STPG1: variants seen among roughly 807,000 people sequenced by gnomAD.
STPG1 encodes the protein O(6)-methylguanine-induced apoptosis 2.
STPG1 carries 33 observed loss-of-function variants against 40.1 expected under a neutral mutation model. That is an observed-to-expected ratio of 0.82 (90% CI 0.62 to 1.10). The LOEUF is 1.10. Ranked by LOEUF, STPG1 falls within the 50% of genes least tolerant of loss-of-function variation. The pLI is 0.00. For missense variants in STPG1, 396 were observed against 415.1 expected (o/e 0.95, Z 0.40); for synonymous variants, 150 against 155.0 (o/e 0.97, Z 0.24).
In STPG1 at chr1:24,392,177, T is replaced by G. The variant is rs560964841; in HGVS notation, c.71-498A>C. The G allele has an allele frequency of 4.5e-6, 3 of 661,208 alleles. No individual in the cohort carries two copies. In the East Asian group the frequency reaches 4.1e-4, roughly 91 times the overall value. The allele number at this position is 661,208 out of a possible 1,614,324, so 41.0% of individuals were successfully genotyped here. A position where few individuals can be genotyped will look rare whatever the true frequency, so the allele number is the denominator to read the frequency against. On this transcript the variant is annotated intron_variant, in intron 2 of 8. Coordinates refer to ENST00000337248, the MANE Select transcript of STPG1 (RefSeq NM_001199013.2). ...GCACTGTGCAAGACAGGTGTAAGTT[T>G]TCGTTTCTGTTTTGAGCAGACATGG...
intron 1 of STPG1, among the ~76,000 whole-genome samples, chr1:24,411,161 G>T (rs185251898): frequency 6.6e-6 from 1 of 152,292 alleles, no homozygotes; most frequent in African/African-American, 2.4e-5. Flanking sequence ...TATTGAGCCT[G>T]CACAGTCCTA....
In STPG1 at chr1:24,357,445, T is replaced by TCC. The variant is rs11429512; in HGVS notation, c.*1096_*1097dup. 32 of 152,678 alleles carry TCC rather than the reference T, an allele frequency of 2.1e-4. No homozygotes were observed. The highest frequency in any genetic ancestry group is 7.2e-4 in the African/African-American group (30 of 41,570). 9.5% of individuals were successfully genotyped at this position (152,678 alleles called of 1,614,324 possible). ...TGGAATCACCTGGGTGGCTCCTGCCTCCCCACTGCCCAGACCCCACCCTGG... is the reference window on the plus strand; with the variant it reads ...TGGAATCACCTGGGTGGCTCCTGCCTCCCCCCACTGCCCAGACCCCACCCTGG... On this transcript the variant is annotated 3_prime_UTR_variant, in exon 9 of 9. Transcript: ENST00000337248.
At chr1:24,395,979 T>G (rs1642983711) in intron 2 of STPG1, among the ~76,000 whole-genome samples, 1 of 95,466 alleles carries the variant, frequency 1.0e-5, no homozygotes, top group African/African-American at 3.5e-5. Context: ...CAAGGCTCCA[T>G]CTCAAAAAAA....
intron 2 of STPG1, chr1:24,392,093 C>A: frequency 1.0e-6 from 1 of 990,760 alleles, no homozygotes; most frequent in Non-Finnish European, 1.2e-6. Flanking sequence ...AGCATTAGGC[C>A]GTTAAAATCC....
At chr1:24,362,737 C>A (rs1399948424) in intron 7 of STPG1, among the ~76,000 whole-genome samples, 1 of 152,140 alleles carries the variant, frequency 6.6e-6, no homozygotes, top group Non-Finnish European at 1.5e-5. Context: ...GCAGGGGACA[C>A]CCCCCTGGTC....
chr1:24,392,573 A>G (rs1000541332), intron 2 of STPG1, among the ~76,000 whole-genome samples: 1 of 152,194 alleles, frequency 6.6e-6, no homozygotes, highest in South Asian at 2.1e-4. Flanking sequence ...CTTTCCAACC[A>G]TAAGAAAACC....
Position 24,359,109 on chromosome 1 carries a change from T to C in STPG1, c.929-490A>G, listed in dbSNP as rs934921611. On this transcript the variant is annotated intron_variant, in intron 8 of 8. Coordinates refer to ENST00000337248, the MANE Select transcript of STPG1 (RefSeq NM_001199013.2). This position sits in a 1 kb window ranked among gnomAD's most constrained non-coding sequence, Gnocchi z 5.3. ...TAATGAGGGTCCCGTGCACAGCCTC[T>C]CTGTTCCTATACTTGGAAAGCCGCT... Among the ~76,000 whole-genome samples the C allele has an allele frequency of 6.6e-6, 1 of 152,196 alleles. No individual in the cohort carries two copies. Among genetic ancestry groups the C allele is most frequent in the African/African-American group, 2.4e-5 (1 of 41,450 alleles).
chr1:24,404,100 G>A lies in STPG1; in HGVS notation c.-68-2644C>T, dbSNP rs540789884. ...GTAGGTTTTTTTAAAATAAAAGCTC[G>A]TTATCACTTCTAATCTGTTTCCTAA... On this transcript the variant is annotated intron_variant, in intron 1 of 8. Transcript: ENST00000337248. Among the ~76,000 whole-genome samples, 8 of 152,172 alleles carry A rather than the reference G, an allele frequency of 5.3e-5. No individual in the cohort carries two copies. In the South Asian group the frequency reaches 6.2e-4, roughly 12 times the overall value.
intron 6 of STPG1, among the ~76,000 whole-genome samples, chr1:24,372,664 C>T (rs1001493611): frequency 6.6e-6 from 1 of 152,212 alleles, no homozygotes; most frequent in African/African-American, 2.4e-5. Context: ...CTAATTAGCG[C>T]TGGTTTTGTT....
chr1:24,366,746 T>C lies in STPG1; in HGVS notation c.737+2928A>G, dbSNP rs549068893. ...AATGCAGACACCCTTCTTTCGCTTA[T>C]AGAGAAATGAAGACCCAGAGAGGTG... On this transcript the variant is annotated intron_variant, in intron 7 of 8. Transcript: ENST00000337248. Among the ~76,000 whole-genome samples, 25 of 152,240 alleles carry C rather than the reference T, an allele frequency of 1.6e-4. No individual in the cohort carries two copies. The South Asian group carries it at 3.1e-3, about 19-fold the overall frequency.
intron 4 of STPG1, among the ~76,000 whole-genome samples, chr1:24,380,930 C>G (rs1384185916): frequency 6.6e-6 from 1 of 152,152 alleles, no homozygotes; most frequent in African/African-American, 2.4e-5. Context: ...GCTGATGCTC[C>G]TAGAAGTAAG....
rs536161076 is a variant in STPG1, at chr1:24,399,459, G to T, written c.70+1860C>A. Among the ~76,000 whole-genome samples the T allele has an allele frequency of 1.1e-3, 161 of 152,180 alleles. No individual in the cohort carries two copies. The highest frequency in any genetic ancestry group is 3.7e-3 in the African/African-American group (153 of 41,552). The stretch of plus-strand genomic sequence containing the variant: ...AGGTAAAATAATAGAGTTTCTAGAA[G>T]AAACTATCTTGGGATGGGCAAAGAT... On this transcript the variant is annotated intron_variant, in intron 2 of 8. Coordinates refer to ENST00000337248, the MANE Select transcript of STPG1 (RefSeq NM_001199013.2). This position sits in a 1 kb window ranked among gnomAD's most constrained non-coding sequence, Gnocchi z 4.0.
At chr1:24,391,210 GA>G (rs1642757438) in intron 3 of STPG1, 1 of 159,316 alleles carries the variant, frequency 6.3e-6, no homozygotes, top group African/African-American at 2.4e-5. Flanking sequence ...GGATGGGGAA[GA>G]TTTTTTTTTA....
chr1:24,386,038 A>G (rs1557449319), intron 3 of STPG1, among the ~76,000 whole-genome samples: 1 of 152,238 alleles, frequency 6.6e-6, no homozygotes, highest in Admixed American at 6.5e-5. Flanking sequence ...CTGAGCACTC[A>G]TATGTGTCTG....
chr1:24,401,291 T>C (rs1643217167), intron 2 of STPG1, 28 bp downstream of exon 2: 1 of 1,608,542 alleles, frequency 6.2e-7, no homozygotes, highest in African/African-American at 1.3e-5. Flanking sequence ...TGTCAGGAGC[T>C]ATCTCCTCCC....
intron 7 of STPG1, chr1:24,364,428 C>T (rs1480952760): frequency 2.0e-6 from 3 of 1,477,498 alleles, no homozygotes; most frequent in African/African-American, 1.4e-5. Context: ...TGAGAGCTCT[C>T]AGCTCAGAGT....
intron 4 of STPG1, 141 bp downstream of exon 4, chr1:24,383,761 A>G: frequency 1.6e-6 from 1 of 623,074 alleles, no homozygotes; most frequent in Non-Finnish European, 2.9e-6. Flanking sequence ...TACTTGCATG[A>G]AATTTGAGGA....
rs74923008 is a variant in STPG1, at chr1:24,376,757, G to C, written c.462+2896C>G. ...AGAGGGGCATCCGCACAGACAGTCG[G>C]TGCCTGTGTTTTTCTCCCAAGTAGC... On this transcript the variant is annotated intron_variant, in intron 5 of 8. Transcript: ENST00000337248. Among the ~76,000 whole-genome samples, 11 of 152,292 alleles carry C rather than the reference G, an allele frequency of 7.2e-5. No individual in the cohort carries two copies. In the East Asian group the frequency reaches 2.1e-3, roughly 29 times the overall value.
At chr1:24,401,528 T>A in intron 1 of STPG1, 72 bp from the exon 2 acceptor site, 1 of 722,132 alleles carries the variant, frequency 1.4e-6, no homozygotes, top group Non-Finnish European at 2.4e-6. Flanking sequence ...GGTTCTGTTC[T>A]ATCTACAGGG....
Sources: allele counts gnomAD v4.1 joint callset (sites outside exome capture counted in the v4.1 genomes callset), GRCh38; gene constraint gnomAD v4.1.1; non-coding constraint Gnocchi (gnomAD v3.1); transcripts MANE v1.5; gene names NCBI Gene and HGNC (gene_info 2026-07-23, HGNC 2026-07-21).